The following PCDH11X variants were observed in gnomAD, a reference collection of about 807,000 sequenced individuals.
PCDH11X encodes the protein protocadherin-11 X-linked.
PCDH11X carries 18 observed loss-of-function variants against 53.3 expected under a neutral mutation model. That is an observed-to-expected ratio of 0.34 (90% CI 0.23 to 0.50). PCDH11X has a LOEUF of 0.50. Ranked by LOEUF, PCDH11X falls within the 20% of genes least tolerant of loss-of-function variation. The pLI, the probability that PCDH11X is intolerant of heterozygous loss-of-function variation, is 0.98. For missense variants in PCDH11X, 570 were observed against 1,032.4 expected (o/e 0.55, Z 6.14); for synonymous variants, 279 against 393.3 (o/e 0.71, Z 3.44).
chrX:91,845,104 G>A (rs939992878), intron 5 of PCDH11X, among the ~76,000 whole-genome samples: 11 of 111,527 alleles, frequency 9.9e-5, no homozygotes, highest in Non-Finnish European at 1.5e-4. Context: ...TTTAGATTGC[G>A]TATAGATATC....
At chrX:92,128,627 G>A (rs1181343806) in intron 6 of PCDH11X, among the ~76,000 whole-genome samples, 1 of 109,970 alleles carries the variant, frequency 9.1e-6, no homozygotes, top group Non-Finnish European at 1.9e-5. Context: ...TCAAACTCCT[G>A]ACTTCAGGTG....
At chrX:91,792,202 T>C (rs1359628067) in intron 1 of PCDH11X, among the ~76,000 whole-genome samples, 1 of 111,354 alleles carries the variant, frequency 9.0e-6, no homozygotes, top group East Asian at 2.8e-4. Context: ...GGCATTAAAA[T>C]AAAAAATCAT....
At chrX:92,606,698 C>T (rs188212747) in intron 10 of PCDH11X, among the ~76,000 whole-genome samples, 179 of 111,186 alleles carry the variant, frequency 1.6e-3, no homozygotes, top group Non-Finnish European at 1.7e-3. Flanking sequence ...AACTTTTGTA[C>T]GTCAAAGGAT....
In PCDH11X at chrX:92,279,091, G is replaced by A. The variant is rs1014982622; in HGVS notation, c.3144+15948G>A. On this transcript the variant is annotated intron_variant, in intron 8 of 10. Transcript: ENST00000682573. ...CTCCCAAACTGCTGGGATTACAGGC[G>A]TAAGCCACCATGCCCAGCCTCTTTT... Among the ~76,000 whole-genome samples, 18 of 111,771 alleles carry A rather than the reference G, an allele frequency of 1.6e-4. 1 individual carries two copies. Among genetic ancestry groups the A allele is most frequent in the Middle Eastern group, 9.3e-3 (2 of 216 alleles).
chrX:92,164,299 A>G (rs769230002), intron 6 of PCDH11X, among the ~76,000 whole-genome samples: 2 of 112,354 alleles, frequency 1.8e-5, no homozygotes, highest in Non-Finnish European at 3.7e-5. Context: ...GGACAAGTAC[A>G]GGTTTGCTGA....
Position 92,304,632 on chromosome X carries a change from T to C in PCDH11X, c.3144+41489T>C, listed in dbSNP as rs753360361. Among the ~76,000 whole-genome samples the C allele has an allele frequency of 7.2e-5, 8 of 111,865 alleles. No individual in the cohort carries two copies. In the East Asian group the frequency reaches 2.3e-3, roughly 32 times the overall value. ...GAATATCTAGCTTGCCTTCCCACTCTTATTCTTCAGAGGATGAAAATGAGA... is the reference window on the plus strand; with the variant it reads ...GAATATCTAGCTTGCCTTCCCACTCCTATTCTTCAGAGGATGAAAATGAGA... On this transcript the variant is annotated intron_variant, in intron 8 of 10. Transcript: ENST00000682573.
intron 6 of PCDH11X, among the ~76,000 whole-genome samples, chrX:91,942,197 A>T (rs1370597545): frequency 9.0e-4 from 99 of 110,057 alleles, no homozygotes; most frequent in Non-Finnish European, 1.7e-3. Flanking sequence ...CACCCGCAAA[A>T]ACAATAGCGC....
intron 4 of PCDH11X, among the ~76,000 whole-genome samples, chrX:91,824,014 C>T (rs1241334366): frequency 9.0e-6 from 1 of 111,202 alleles, no homozygotes; most frequent in African/African-American, 3.3e-5. Flanking sequence ...CCACTCTCTT[C>T]TGGCTTGTAG....
chrX:92,327,557 T>G (rs1314341264), intron 8 of PCDH11X, among the ~76,000 whole-genome samples: 1 of 96,006 alleles, frequency 1.0e-5, no homozygotes, highest in Non-Finnish European at 2.1e-5. Context: ...TAATTGTCAC[T>G]CTGAAAAGAA....
At chrX:92,521,996 C>T (rs2074377193) in intron 10 of PCDH11X, among the ~76,000 whole-genome samples, 2 of 112,115 alleles carry the variant, frequency 1.8e-5, no homozygotes, top group African/African-American at 6.5e-5. Context: ...CTGTTCAGAC[C>T]ACTAAAACTT....
intron 5 of PCDH11X, among the ~76,000 whole-genome samples, chrX:91,866,778 G>A (rs774692553): frequency 9.0e-6 from 1 of 111,031 alleles, no homozygotes; most frequent in Non-Finnish European, 1.9e-5. Flanking sequence ...GTGTCCTTGT[G>A]GGGAGGATGA....
intron 10 of PCDH11X, among the ~76,000 whole-genome samples, chrX:92,505,152 C>CTTTTTTTTTTTT (rs58620449): frequency 3.6e-4 from 23 of 64,268 alleles, no homozygotes; most frequent in African/African-American, 7.3e-4. Flanking sequence ...TTTCTTTTTT[C>CTTTTTTTTTTTT]TTTTTTTTTT....
intron 9 of PCDH11X, among the ~76,000 whole-genome samples, chrX:92,400,431 A>C: frequency 9.1e-6 from 1 of 109,974 alleles, no homozygotes; most frequent in South Asian, 3.9e-4. Context: ...AGATGCAGAT[A>C]AGTTTTCCAT....
chrX:92,382,691 G>A (rs2070905639), intron 8 of PCDH11X, among the ~76,000 whole-genome samples: 1 of 111,444 alleles, frequency 9.0e-6, no homozygotes. Flanking sequence ...TTTAGGGAGA[G>A]GTATCCTGTG....
intron 10 of PCDH11X, among the ~76,000 whole-genome samples, chrX:92,505,880 C>A (rs936349439): frequency 1.8e-5 from 2 of 111,383 alleles, no homozygotes; most frequent in African/African-American, 6.5e-5. Flanking sequence ...TCTTTCACCT[C>A]TCTGGTTACC....
chrX:92,460,838 T>C (rs2073025029), intron 9 of PCDH11X: 1 of 1,060,141 alleles, frequency 9.4e-7, no homozygotes. Context: ...TCACTCTTGG[T>C]GATGCCTTGG....
At chrX:92,033,406 G>T in intron 6 of PCDH11X, among the ~76,000 whole-genome samples, 1 of 100,600 alleles carries the variant, frequency 9.9e-6, no homozygotes, top group Non-Finnish European at 2.0e-5. Flanking sequence ...TCATATTATT[G>T]TTTAGTTCTT....
chrX:92,200,771 G>A, intron 6 of PCDH11X, among the ~76,000 whole-genome samples: 1 of 112,237 alleles, frequency 8.9e-6, no homozygotes, highest in Non-Finnish European at 1.9e-5. Flanking sequence ...ATTTTAATTT[G>A]CAACAAGAGC....
chrX:92,037,227 C>T (rs34193834), intron 6 of PCDH11X, among the ~76,000 whole-genome samples: 1,352 of 108,955 alleles, frequency 0.012, 8 homozygotes, highest in Non-Finnish European at 0.019. Context: ...ACCTCCCAAC[C>T]GGCCCCAGTG....
Sources: gnomAD v4.1 joint callset for allele counts (sites outside exome capture counted in the v4.1 genomes callset) on GRCh38, gnomAD v4.1.1 for gene constraint, MANE v1.5 for transcripts, NCBI Gene and HGNC (gene_info 2026-07-23, HGNC 2026-07-21) for gene names.